Variants in CNTN3 observed in about 807,000 individuals in gnomAD.
The protein encoded by CNTN3 is contactin 3.
Under a neutral mutation model 119.1 loss-of-function variants are expected in CNTN3, and 60 were observed. The observed-to-expected ratio is 0.50, with a 90% CI of 0.41 to 0.62. The LOEUF is 0.62. Ranked by LOEUF, CNTN3 falls within the 20% of genes least tolerant of loss-of-function variation. The pLI, the probability that CNTN3 is intolerant of heterozygous loss-of-function variation, is 0.00. For missense variants in CNTN3, 1,101 were observed against 1,242.4 expected (o/e 0.89, Z 1.71); for synonymous variants, 450 against 438.7 (o/e 1.03, Z -0.32).
At chr3:74,322,093 G>T (rs58842920) in intron 13 of CNTN3, among the ~76,000 whole-genome samples, 2,194 of 150,770 alleles carry the variant, frequency 0.015, 49 homozygotes, top group African/African-American at 0.05. Context: ...AGCTGAGGCA[G>T]GAGAATTGCT....
chr3:74,607,715 C>T (rs1705016840), intron 1 of CNTN3, among the ~76,000 whole-genome samples: 1 of 152,082 alleles, frequency 6.6e-6, no homozygotes, highest in African/African-American at 2.4e-5. Flanking sequence ...AAGAACAAGA[C>T]AAATATTTGC....
intron 1 of CNTN3, among the ~76,000 whole-genome samples, chr3:74,579,157 A>T (rs961433392): frequency 6.6e-6 from 1 of 150,658 alleles, no homozygotes; most frequent in African/African-American, 2.4e-5. Flanking sequence ...CAAAAACTAA[A>T]AGTCCTTTCC....
At chr3:74,607,493 A>G (rs1012882423) in intron 1 of CNTN3, among the ~76,000 whole-genome samples, 1 of 152,222 alleles carries the variant, frequency 6.6e-6, no homozygotes, top group Non-Finnish European at 1.5e-5. Flanking sequence ...GCCCTGCCCT[A>G]GTGGCATCAA....
intron 4 of CNTN3, among the ~76,000 whole-genome samples, chr3:74,485,701 A>C (rs547735983): frequency 6.6e-6 from 1 of 151,932 alleles, no homozygotes; most frequent in African/African-American, 2.4e-5. Context: ...TGCATTATGT[A>C]CAAAATACAC....
intron 13 of CNTN3, among the ~76,000 whole-genome samples, chr3:74,330,851 A>T (rs1347613219): frequency 2.0e-5 from 3 of 152,166 alleles, no homozygotes; most frequent in Non-Finnish European, 4.4e-5. Flanking sequence ...AAATGAAAAA[A>T]AAAATTAAAA....
At position 74,614,355 on chromosome 3, in the gene CNTN3, C is replaced by T. The variant is rs574930594; in HGVS notation, c.-81+36G>A. ...CTGGCAGGTGGCTCATCCCTGTGGC[C>T]CGGCCGGCGCCAGGAGTCGGGCATC... On this transcript the variant is annotated intron_variant, in intron 1 of 22. Coordinates refer to ENST00000263665, the MANE Select transcript of CNTN3 (RefSeq NM_020872.3). 3.2e-3 allele frequency among the ~76,000 whole-genome samples: 492 copies of T among 152,004 alleles called. 4 individuals carry two copies. The highest frequency in any genetic ancestry group is 0.011 in the African/African-American group (456 of 41,546).
At chr3:74,469,261 G>C (rs1232179776) in intron 4 of CNTN3, among the ~76,000 whole-genome samples, 3 of 152,040 alleles carry the variant, frequency 2.0e-5, no homozygotes, top group Non-Finnish European at 2.9e-5. Flanking sequence ...CTTGGGTTCC[G>C]TCCACGCTAA....
At chr3:74,591,091 G>A (rs895655317) in intron 1 of CNTN3, among the ~76,000 whole-genome samples, 3 of 151,738 alleles carry the variant, frequency 2.0e-5, no homozygotes, top group Admixed American at 6.6e-5. Context: ...GTGTAGTCAC[G>A]GCTAATCATT....
At chr3:74,587,875 T>A (rs930510841) in intron 1 of CNTN3, among the ~76,000 whole-genome samples, 1 of 152,198 alleles carries the variant, frequency 6.6e-6, no homozygotes, top group Non-Finnish European at 1.5e-5. Context: ...CTTGTGCCAG[T>A]TTTCAAAGGG....
rs948273999 is a variant in CNTN3, at chr3:74,437,038, T to C, written c.359-12098A>G. On this transcript the variant is annotated intron_variant, in intron 4 of 22. Transcript: ENST00000263665. Reference sequence around the variant, plus strand: ...TATACCTTTTAAAAATGATTACCTGTTTTAAAACAATTTTTCATATAACAG... The same window carrying C: ...TATACCTTTTAAAAATGATTACCTGCTTTAAAACAATTTTTCATATAACAG... Among the ~76,000 whole-genome samples, 6 of 152,200 alleles carry C rather than the reference T, an allele frequency of 3.9e-5. 1 individual carries two copies. Among genetic ancestry groups the C allele is most frequent in the Admixed American group, 2.6e-4 (4 of 15,280 alleles).
chr3:74,386,356 C>T (rs1197465156), intron 5 of CNTN3, among the ~76,000 whole-genome samples: 3 of 152,062 alleles, frequency 2.0e-5, no homozygotes, highest in Admixed American at 6.5e-5. Context: ...CGGTGGCTCA[C>T]GCCTGTAATC....
At chr3:74,544,898 G>A (rs937941793) in intron 1 of CNTN3, among the ~76,000 whole-genome samples, 6 of 151,982 alleles carry the variant, frequency 3.9e-5, no homozygotes, top group African/African-American at 7.2e-5. Context: ...ATGCCCGGCC[G>A]ATGAATCTCT....
At chr3:74,559,404 C>T (rs140857356) in intron 1 of CNTN3, among the ~76,000 whole-genome samples, 181 of 152,166 alleles carry the variant, frequency 1.2e-3, no homozygotes, top group Middle Eastern at 3.4e-3. Context: ...CCTTTGGGGC[C>T]TCATTAGTGC....
chr3:74,553,768 G>T (rs910741729), intron 1 of CNTN3, among the ~76,000 whole-genome samples: 4 of 152,112 alleles, frequency 2.6e-5, no homozygotes, highest in East Asian at 1.9e-4. Context: ...GGGTTGTTTG[G>T]TTTTTTTCTT....
Position 74,369,964 on chromosome 3 carries a change from AT to A in CNTN3, c.685del (p.Ile229Ter). ...AAGAGTTTCTGGAAACTGAACTTCT[AT>A]TTTAGGTTCATATTCACCCATCACA... ...DGVMGEYEPK[I>X]EVQFPETLPA... On this transcript the variant is annotated frameshift_variant, in exon 7 of 23. Coordinates refer to ENST00000263665, the MANE Select transcript of CNTN3 (RefSeq NM_020872.3). LOFTEE classifies it high-confidence loss of function. The A allele has an allele frequency of 6.2e-7, 1 of 1,601,208 alleles. No individual in the cohort carries two copies. Among genetic ancestry groups the A allele is most frequent in the Non-Finnish European group, 8.5e-7 (1 of 1,169,898 alleles).
At chr3:74,602,859 A>G (rs1480308423) in intron 1 of CNTN3, among the ~76,000 whole-genome samples, 1 of 152,126 alleles carries the variant, frequency 6.6e-6, no homozygotes, top group Non-Finnish European at 1.5e-5. Context: ...GGTCTAGCTA[A>G]GTCTCTTGTG....
chr3:74,399,748 T>C (rs1559582358), intron 5 of CNTN3, among the ~76,000 whole-genome samples: 1 of 152,146 alleles, frequency 6.6e-6, no homozygotes, highest in East Asian at 1.9e-4. Context: ...ACTAAGTAAG[T>C]ACACTGTTGG....
intron 5 of CNTN3, among the ~76,000 whole-genome samples, chr3:74,395,756 T>TTG (rs199985141): frequency 6.6e-6 from 1 of 152,086 alleles, no homozygotes; most frequent in Non-Finnish European, 1.5e-5. Flanking sequence ...TTTGCAGATA[T>TTG]TGTGTGTGTG....
intron 1 of CNTN3, among the ~76,000 whole-genome samples, chr3:74,605,075 C>T (rs913026936): frequency 6.6e-6 from 1 of 152,010 alleles, no homozygotes; most frequent in African/African-American, 2.4e-5. Context: ...ATCTCACTTA[C>T]ATATGGAATC....
Sources: allele counts gnomAD v4.1 joint callset (sites outside exome capture counted in the v4.1 genomes callset), GRCh38; gene constraint gnomAD v4.1.1; transcripts MANE v1.5; gene names NCBI Gene and HGNC (gene_info 2026-07-23, HGNC 2026-07-21).